Variants in EPB41L2 observed in about 807,000 individuals in gnomAD.
The protein encoded by EPB41L2 is band 4.1-like protein 2.
EPB41L2 carries 43 observed loss-of-function variants against 113.0 expected under a neutral mutation model. That is an observed-to-expected ratio of 0.38 (90% confidence interval 0.30 to 0.49). EPB41L2 has a LOEUF of 0.49. Ranked by LOEUF, EPB41L2 falls within the 20% of genes least tolerant of loss-of-function variation. The pLI is 0.95. For synonymous variants in EPB41L2, 442 were observed against 436.7 expected, an observed-to-expected ratio of 1.01 and a Z score of -0.15; for missense variants, 1,147 against 1,223.4, an observed-to-expected ratio of 0.94 and a Z score of 0.93.
chr6:130,879,075 T>A (rs1562372750), intron 13 of EPB41L2, among the ~76,000 whole-genome samples: 1 of 152,178 alleles, frequency 6.6e-6, no homozygotes, highest in Non-Finnish European at 1.5e-5. Flanking sequence ...CTCTCATAAA[T>A]AGTATTTGTT....
intron 1 of EPB41L2, among the ~76,000 whole-genome samples, chr6:131,027,706 T>C (rs1433029067): frequency 6.6e-6 from 1 of 152,222 alleles, no homozygotes; most frequent in Non-Finnish European, 1.5e-5. Context: ...GGATACCCCA[T>C]TCTCCATGAT....
At chr6:130,996,288 C>T (rs1427433642) in intron 1 of EPB41L2, among the ~76,000 whole-genome samples, 1 of 152,184 alleles carries the variant, frequency 6.6e-6, no homozygotes, top group Admixed American at 6.5e-5. Context: ...CCAACTGATG[C>T]CCAGACATAA....
chr6:130,848,526 A>G (rs1214602487), intron 19 of EPB41L2, among the ~76,000 whole-genome samples: 1 of 152,230 alleles, frequency 6.6e-6, no homozygotes, highest in Non-Finnish European at 1.5e-5. Context: ...GAAATCCAGT[A>G]AATATCTTAT....
At chr6:130,852,353 T>C (rs1183421072) in intron 19 of EPB41L2, among the ~76,000 whole-genome samples, 1 of 152,218 alleles carries the variant, frequency 6.6e-6, no homozygotes, top group Non-Finnish European at 1.5e-5. Context: ...TGTTATAAGA[T>C]GGGGCCTTAT....
chr6:130,919,976 A>AT (rs397970115), intron 4 of EPB41L2, among the ~76,000 whole-genome samples: 1,607 of 148,930 alleles, frequency 0.011, 38 homozygotes, highest in African/African-American at 0.038. Flanking sequence ...CTCAACTAAG[A>AT]TTTTTTTTTT....
At chr6:131,033,255 G>T (rs139438507) in intron 1 of EPB41L2, among the ~76,000 whole-genome samples, 3 of 152,028 alleles carry the variant, frequency 2.0e-5, no homozygotes, top group Non-Finnish European at 4.4e-5. Context: ...AAGAAGGGAG[G>T]GAGGGAGAAG....
At chr6:130,998,793 C>T (rs1427716736) in intron 1 of EPB41L2, among the ~76,000 whole-genome samples, 2 of 152,148 alleles carry the variant, frequency 1.3e-5, no homozygotes, top group African/African-American at 4.8e-5. Flanking sequence ...TACTTTGAAT[C>T]CCAGGACACT....
At chr6:130,979,250 C>T (rs1175381141) in intron 1 of EPB41L2, among the ~76,000 whole-genome samples, 2 of 152,068 alleles carry the variant, frequency 1.3e-5, no homozygotes, top group Non-Finnish European at 2.9e-5. Context: ...CTTTGGGAGG[C>T]TGTGGTGGGT....
intron 1 of EPB41L2, among the ~76,000 whole-genome samples, chr6:131,000,156 TAA>T (rs200476283): frequency 1.4e-5 from 2 of 148,030 alleles, no homozygotes; most frequent in South Asian, 2.1e-4. Context: ...AGTGGCTTTT[TAA>T]AAAAAAAAAA....
chr6:130,943,352 A>C (rs1811563013), intron 3 of EPB41L2, among the ~76,000 whole-genome samples: 1 of 152,234 alleles, frequency 6.6e-6, no homozygotes, highest in African/African-American at 2.4e-5. Flanking sequence ...TTAAAGCATA[A>C]ATTTTATTCT....
chr6:131,051,561 G>A (rs1796564838), intron 1 of EPB41L2, among the ~76,000 whole-genome samples: 1 of 151,628 alleles, frequency 6.6e-6, no homozygotes. Context: ...GATGTACAAA[G>A]TAACTGACTT....
At chr6:131,058,883 G>T (rs1220623780) in intron 1 of EPB41L2, among the ~76,000 whole-genome samples, 1 of 152,120 alleles carries the variant, frequency 6.6e-6, no homozygotes, top group Non-Finnish European at 1.5e-5. Flanking sequence ...GGGCATGGTG[G>T]CACACGCCTG....
chr6:130,995,732 T>A (rs569170641), intron 1 of EPB41L2, among the ~76,000 whole-genome samples: 1 of 152,198 alleles, frequency 6.6e-6, no homozygotes, highest in Non-Finnish European at 1.5e-5. Flanking sequence ...TTAGCTGCCA[T>A]AGCTAACTTT....
At chr6:130,935,324 T>A (rs7769310) in intron 3 of EPB41L2, among the ~76,000 whole-genome samples, 118,972 of 152,140 alleles carry the variant, frequency 0.78, 47,005 homozygotes, top group East Asian at 1. Context: ...CCCTTCTTAC[T>A]TGTTATATAA....
intron 1 of EPB41L2, among the ~76,000 whole-genome samples, chr6:130,968,423 T>A (rs879681163): frequency 6.6e-6 from 1 of 152,240 alleles, no homozygotes; most frequent in African/African-American, 2.4e-5. Context: ...TAAAAAAATA[T>A]AATTCACTTT....
intron 14 of EPB41L2, among the ~76,000 whole-genome samples, chr6:130,874,660 T>C (rs759027855): frequency 2.0e-5 from 3 of 152,218 alleles, no homozygotes; most frequent in Non-Finnish European, 2.9e-5. Flanking sequence ...TGTATTTTCC[T>C]GCATGTATTG....
intron 3 of EPB41L2, among the ~76,000 whole-genome samples, chr6:130,936,094 C>A (rs981227998): frequency 1.3e-5 from 2 of 152,166 alleles, no homozygotes; most frequent in African/African-American, 2.4e-5. Context: ...AGTTGCTCAG[C>A]CATTCATAAA....
intron 1 of EPB41L2, among the ~76,000 whole-genome samples, chr6:131,032,968 C>T (rs1288453447): frequency 1.3e-5 from 2 of 152,144 alleles, no homozygotes; most frequent in Non-Finnish European, 2.9e-5. Context: ...CTCTGTCACC[C>T]GGATTCAAGC....
At chr6:130,870,341 C>T (rs1351096582) in intron 14 of EPB41L2, 1 of 1,550,686 alleles carries the variant, frequency 6.4e-7, no homozygotes, top group Non-Finnish European at 8.7e-7. Context: ...AACAGCATCC[C>T]TGGCTCCAGT....
Sources: allele counts gnomAD v4.1 joint callset (sites outside exome capture counted in the v4.1 genomes callset), GRCh38; gene constraint gnomAD v4.1.1; transcripts MANE v1.5; gene names NCBI Gene and HGNC (gene_info 2026-07-23, HGNC 2026-07-21).